Variants in BEAN1 observed in about 807,000 individuals in gnomAD.
BEAN1 encodes the protein brain expressed associated with NEDD4 1.
In BEAN1, 17 loss-of-function variants were observed where a neutral mutation model predicts 17.7. The ratio of observed to expected loss-of-function variants is 0.96; its 90% CI spans 0.66 to 1.44. BEAN1 has a LOEUF of 1.44. Ranked by LOEUF, BEAN1 falls within the 40% of genes most tolerant of loss-of-function variation. The pLI, the probability that BEAN1 is intolerant of heterozygous loss-of-function variation, is 0.00. For synonymous variants in BEAN1, 142 were observed against 151.8 expected, an observed-to-expected ratio of 0.94 and a Z score of 0.47; for missense variants, 359 against 374.1, an observed-to-expected ratio of 0.96 and a Z score of 0.33.
chr16:66,470,008 A>T (rs1963415775), intron 3 of BEAN1, 143 bp downstream of exon 3: 2 of 1,157,174 alleles, frequency 1.7e-6, no homozygotes. Flanking sequence ...GGTCAGGAAG[A>T]GCTCACAGGC....
intron 2 of BEAN1, among the ~76,000 whole-genome samples, chr16:66,457,370 T>G (rs1022878638): frequency 6.6e-6 from 1 of 152,138 alleles, no homozygotes; most frequent in African/African-American, 2.4e-5. Flanking sequence ...TAGGGACTGA[T>G]GAATAGGTAT....
At chr16:66,466,376 C>T (rs1963261943) in intron 2 of BEAN1, among the ~76,000 whole-genome samples, 1 of 152,144 alleles carries the variant, frequency 6.6e-6, no homozygotes, top group Non-Finnish European at 1.5e-5. Flanking sequence ...CACTAATTTC[C>T]ACTCTAATCT....
At chr16:66,449,818 G>A (rs1962603735) in intron 2 of BEAN1, among the ~76,000 whole-genome samples, 2 of 152,198 alleles carry the variant, frequency 1.3e-5, no homozygotes, top group African/African-American at 2.4e-5. Flanking sequence ...CTGTGGCATT[G>A]CTCCCATATT....
At chr16:66,485,083 C>T (rs1049581403), downstream of BEAN1, 5 of 454,010 alleles carry the variant, frequency 1.1e-5, no homozygotes, top group Admixed American at 7.0e-5. Context: ...CAACAGGCAT[C>T]GCCCAGAAGA....
rs1329461540 is a variant in BEAN1, at chr16:66,469,833, G to A, written c.257G>A (p.Arg86Gln). The change falls in exon 3 of 5, where the codon CGG (arginine) becomes CAG (glutamine). Residue 86 changes from arginine (R) to glutamine (Q), a missense_variant. Physicochemically the swap from Arg to Gln is conservative, Grantham distance 43 (BLOSUM62 1). Coordinates refer to ENST00000536005, the MANE Select transcript of BEAN1 (RefSeq NM_001178020.3). ...CACCACCACCATCATCACCACCGCC[G>A]GCGTCGACACCGAGAGTACGAGCAC... Reference protein sequence around the residue: ...RHHHHHHHHRRRRHREYEHGY... With the variant: ...RHHHHHHHHRQRRHREYEHGY... The A allele has an allele frequency of 1.7e-5, 26 of 1,520,644 alleles. No homozygotes were observed. The highest frequency in any genetic ancestry group is 1.8e-4 in the Middle Eastern group (1 of 5,702). The allele number at this position is 1,520,644 out of a possible 1,614,324, so 94.2% of individuals were successfully genotyped here.
chr16:66,480,997 A>G lies in BEAN1; in HGVS notation c.*72A>G, dbSNP rs993621053. ...ATTCTTTAGGCACACAAAGGCGTGCACACACACACAGAGATGCACACGTGA... is the reference window on the plus strand; with the variant it reads ...ATTCTTTAGGCACACAAAGGCGTGCGCACACACACAGAGATGCACACGTGA... On this transcript the variant is annotated 3_prime_UTR_variant, in exon 5 of 5. Coordinates refer to ENST00000536005, the MANE Select transcript of BEAN1 (RefSeq NM_001178020.3). 29 of 1,207,804 alleles carry G rather than the reference A, an allele frequency of 2.4e-5. No individual in the cohort carries two copies. In the African/African-American group the frequency reaches 4.0e-4, roughly 17 times the overall value. The allele number at this position is 1,207,804 out of a possible 1,614,324, so 74.8% of individuals were successfully genotyped here.
At position 66,493,416 on chromosome 16, in the gene BEAN1, TC is replaced by T. The variant is rs1353041622; in HGVS notation, c.606del (p.Ser203ValfsTer?). The T allele has an allele frequency of 9.7e-6, 6 of 618,070 alleles. No individual in the cohort carries two copies. The highest frequency in any genetic ancestry group is 1.9e-5 in the South Asian group (1 of 52,498). The allele number at this position is 618,070 out of a possible 1,614,324, so 38.3% of individuals were successfully genotyped here. ...GAGGTCTCAACAGCCCCCAACAGCC[TC>T]CCCAGTGGCTCTCCAGTCCTCTAGG... is the stretch of plus-strand genomic sequence containing the variant. On this transcript the variant is annotated frameshift_variant, in exon 5 of 5. Coordinates refer to the BEAN1 transcript ENST00000561796. LOFTEE classifies it high-confidence loss of function.
intron 4 of BEAN1, among the ~76,000 whole-genome samples, chr16:66,478,335 G>A (rs1217451374): frequency 2.0e-5 from 3 of 152,194 alleles, no homozygotes; most frequent in African/African-American, 7.2e-5. Context: ...CGGGCGTGGG[G>A]GCTCACGCCT....
In BEAN1 at chr16:66,480,948, G is replaced by T; in HGVS notation, c.*23G>T. The T allele has an allele frequency of 7.1e-7, 1 of 1,414,904 alleles. No individual in the cohort carries two copies. Among genetic ancestry groups the T allele is most frequent in the Non-Finnish European group, 9.3e-7 (1 of 1,071,662 alleles). 87.6% of individuals were successfully genotyped at this position (1,414,904 alleles called of 1,614,324 possible). A position where few individuals can be genotyped will look rare whatever the true frequency, so the allele number is the denominator to read the frequency against. ...TGAGGGACCCAGCCAGCCGGGTCCT[G>T]CTGGTCCCTACAGGCTGAACCACAT... is the stretch of plus-strand genomic sequence containing the variant. On this transcript the variant is annotated 3_prime_UTR_variant, in exon 5 of 5. Coordinates refer to ENST00000536005, the MANE Select transcript of BEAN1 (RefSeq NM_001178020.3).
chr16:66,463,251 A>G (rs557867749), intron 2 of BEAN1, among the ~76,000 whole-genome samples: 2 of 152,306 alleles, frequency 1.3e-5, no homozygotes, highest in Non-Finnish European at 2.9e-5. Flanking sequence ...ACCATTCTAC[A>G]TTCCCACCAG....
Position 66,480,999 on chromosome 16 carries a change from A to G in BEAN1, c.*74A>G, listed in dbSNP as rs1963968295. 2 of 1,243,194 alleles carry G rather than the reference A, an allele frequency of 1.6e-6. No homozygotes were observed. Among genetic ancestry groups the G allele is most frequent in the Non-Finnish European group, 2.2e-6 (2 of 924,980 alleles). The allele number at this position is 1,243,194 out of a possible 1,614,324, so 77.0% of individuals were successfully genotyped here. A position where few individuals can be genotyped will look rare whatever the true frequency, so the allele number is the denominator to read the frequency against. On this transcript the variant is annotated 3_prime_UTR_variant, in exon 5 of 5. Coordinates refer to ENST00000536005, the MANE Select transcript of BEAN1 (RefSeq NM_001178020.3). The stretch of plus-strand genomic sequence containing the variant: ...TCTTTAGGCACACAAAGGCGTGCAC[A>G]CACACACAGAGATGCACACGTGACT...
chr16:66,429,903 C>T (rs529819490), intron 1 of BEAN1, among the ~76,000 whole-genome samples: 22 of 152,154 alleles, frequency 1.4e-4, no homozygotes, highest in Non-Finnish European at 2.9e-4. Flanking sequence ...AATAATCAGC[C>T]GGACACCCTC....
downstream of BEAN1, chr16:66,483,608 G>A (rs1964042834): frequency 6.6e-6 from 1 of 152,194 alleles, no homozygotes; most frequent in Non-Finnish European, 1.5e-5. Context: ...ACAGAGCCTG[G>A]GCCCCTTCCT....
At chr16:66,470,284 G>A (rs144432026) in intron 3 of BEAN1, among the ~76,000 whole-genome samples, 14 of 152,100 alleles carry the variant, frequency 9.2e-5, no homozygotes, top group African/African-American at 3.1e-4. Context: ...AGAAGGACTC[G>A]TAGGAAAATG....
At chr16:66,464,270 T>TGTCTTTCTA (rs1167605967) in intron 2 of BEAN1, among the ~76,000 whole-genome samples, 1 of 152,192 alleles carries the variant, frequency 6.6e-6, no homozygotes, top group Non-Finnish European at 1.5e-5. Flanking sequence ...GAACATGGGA[T>TGTCTTTCTA]GTCTTTCTAT....
At chr16:66,431,234 C>T (rs1160301748) in intron 1 of BEAN1, among the ~76,000 whole-genome samples, 3 of 152,208 alleles carry the variant, frequency 2.0e-5, no homozygotes, top group African/African-American at 7.2e-5. Flanking sequence ...GAGGCTGAGG[C>T]AGGATCTCTT....
intron 2 of BEAN1, among the ~76,000 whole-genome samples, chr16:66,441,620 G>A (rs932739434): frequency 3.3e-5 from 5 of 152,168 alleles, no homozygotes; most frequent in African/African-American, 1.2e-4. Flanking sequence ...GTCTGCAGAA[G>A]GTAAAACAAG....
intron 1 of BEAN1, among the ~76,000 whole-genome samples, chr16:66,436,033 A>G (rs1962001473): frequency 6.6e-6 from 1 of 151,954 alleles, no homozygotes; most frequent in African/African-American, 2.4e-5. Context: ...CTCTTTTCCC[A>G]TTGGCTTTAG....
chr16:66,442,132 T>C (rs879612448), intron 2 of BEAN1, among the ~76,000 whole-genome samples: 3 of 152,196 alleles, frequency 2.0e-5, no homozygotes, highest in Non-Finnish European at 2.9e-5. Flanking sequence ...ATACCAAGCC[T>C]GTGAGCCATT....
Sources: allele counts gnomAD v4.1 joint callset (sites outside exome capture counted in the v4.1 genomes callset), GRCh38; gene constraint gnomAD v4.1.1; transcripts MANE v1.5; gene names NCBI Gene and HGNC (gene_info 2026-07-23, HGNC 2026-07-21).